Variants in SEMA6D observed in about 807,000 individuals in gnomAD.
The protein encoded by SEMA6D is semaphorin 6D.
A neutral mutation model predicts 106.6 loss-of-function variants in SEMA6D; 35 were observed. That is an observed-to-expected ratio of 0.33 (90% CI 0.25 to 0.44). The LOEUF (loss-of-function observed/expected upper bound fraction) is 0.44, where lower values mean the gene tolerates loss of function less well. Among genes scored for constraint, SEMA6D ranks in the 20% least tolerant of loss-of-function variants. SEMA6D has a pLI of 1.00. For synonymous variants in SEMA6D, 499 were observed against 487.7 expected, an observed-to-expected ratio of 1.02 and a Z score of -0.31; for missense variants, 1,185 against 1,345.9, an observed-to-expected ratio of 0.88 and a Z score of 1.87.
chr15:47,570,142 C>T (rs1248498647), intron 3 of SEMA6D, among the ~76,000 whole-genome samples: 1 of 152,076 alleles, frequency 6.6e-6, no homozygotes, highest in South Asian at 2.1e-4. Context: ...ACTGTGAAGT[C>T]TTTTTATTAA....
At chr15:47,338,308 T>C (rs2037656722) in intron 1 of SEMA6D, among the ~76,000 whole-genome samples, 3 of 152,224 alleles carry the variant, frequency 2.0e-5, no homozygotes, top group Admixed American at 2.0e-4. Flanking sequence ...TACTTGTCTC[T>C]TAACTCAAGT....
chr15:47,291,616 C>G (rs979001490), intron 1 of SEMA6D, among the ~76,000 whole-genome samples: 2 of 152,172 alleles, frequency 1.3e-5, no homozygotes, highest in Non-Finnish European at 2.9e-5. Context: ...AAACTGGTAC[C>G]AACTTCACTC....
intron 1 of SEMA6D, among the ~76,000 whole-genome samples, chr15:47,361,141 A>G (rs1292517750): frequency 2.0e-5 from 3 of 152,056 alleles, no homozygotes; most frequent in East Asian, 3.9e-4. Flanking sequence ...CCTTTCTTGC[A>G]TCCTAGGAGC....
At chr15:47,537,472 G>A (rs2045207224) in intron 3 of SEMA6D, among the ~76,000 whole-genome samples, 1 of 152,196 alleles carries the variant, frequency 6.6e-6, no homozygotes, top group African/African-American at 2.4e-5. Flanking sequence ...ATGAGACATT[G>A]GAAAGTTAGG....
chr15:47,362,852 G>C (rs1208159426), intron 1 of SEMA6D, among the ~76,000 whole-genome samples: 1 of 152,160 alleles, frequency 6.6e-6, no homozygotes, highest in East Asian at 1.9e-4. Context: ...ATTATAGAGA[G>C]TGTGAGCTTC....
In SEMA6D at chr15:47,757,201, T is replaced by A. The variant is rs1455050240; in HGVS notation, c.-54-2544T>A. Among the ~76,000 whole-genome samples, 3 of 152,330 alleles carry A rather than the reference T, an allele frequency of 2.0e-5. No homozygotes were observed. The East Asian group carries it at 5.8e-4, about 29-fold the overall frequency. On this transcript the variant is annotated intron_variant, in intron 1 of 18. Transcript: ENST00000536845. Reference sequence around the variant, plus strand: ...GGACATGGATGTTCTGCTTACCTGATGTGAACCATTCAGTTACCTGTCATG... The same window carrying A: ...GGACATGGATGTTCTGCTTACCTGAAGTGAACCATTCAGTTACCTGTCATG...
intron 1 of SEMA6D, among the ~76,000 whole-genome samples, chr15:47,351,443 GA>G (rs1252156134): frequency 1.3e-5 from 2 of 152,078 alleles, no homozygotes; most frequent in Admixed American, 1.3e-4. Context: ...TCTTTAATAT[GA>G]AAATTCCCTC....
chr15:47,306,794 C>T (rs1031329437), intron 1 of SEMA6D, among the ~76,000 whole-genome samples: 1 of 152,220 alleles, frequency 6.6e-6, no homozygotes, highest in Non-Finnish European at 1.5e-5. Context: ...AGAGGTATCA[C>T]TAACATTTTC....
chr15:47,586,304 A>G (rs778967180), intron 3 of SEMA6D, among the ~76,000 whole-genome samples: 4 of 152,204 alleles, frequency 2.6e-5, no homozygotes, highest in Non-Finnish European at 5.9e-5. Context: ...ATAGGGGCCT[A>G]TTAGAAGATG....
At chr15:47,315,471 A>G (rs904043981) in intron 1 of SEMA6D, among the ~76,000 whole-genome samples, 5 of 152,190 alleles carry the variant, frequency 3.3e-5, no homozygotes, top group Non-Finnish European at 7.3e-5. Flanking sequence ...TTCTTTCACC[A>G]ATACCACACT....
chr15:47,589,655 C>T (rs1379217191), intron 3 of SEMA6D, among the ~76,000 whole-genome samples: 1 of 152,162 alleles, frequency 6.6e-6, no homozygotes, highest in Non-Finnish European at 1.5e-5. Flanking sequence ...TACATATTTC[C>T]TTGGTCATTT....
chr15:47,509,469 C>G (rs1342732660), intron 3 of SEMA6D, among the ~76,000 whole-genome samples: 1 of 152,178 alleles, frequency 6.6e-6, no homozygotes, highest in African/African-American at 2.4e-5. Context: ...TTCTTGGAAT[C>G]TATGATCACC....
intron 4 of SEMA6D, among the ~76,000 whole-genome samples, chr15:47,627,684 A>G (rs1305583364): frequency 6.6e-6 from 1 of 152,176 alleles, no homozygotes; most frequent in Non-Finnish European, 1.5e-5. Context: ...AATAGTGTAG[A>G]GATATCTCCT....
At chr15:47,506,593 CACACAA>C (rs894274494) in intron 3 of SEMA6D, among the ~76,000 whole-genome samples, 11 of 136,880 alleles carry the variant, frequency 8.0e-5, no homozygotes, top group African/African-American at 2.5e-4. Context: ...CATTTACACA[CACACAA>C]ACACACACAC....
chr15:47,240,947 A>G (rs1310730086), intron 1 of SEMA6D, among the ~76,000 whole-genome samples: 1 of 152,168 alleles, frequency 6.6e-6, no homozygotes, highest in African/African-American at 2.4e-5. Flanking sequence ...AAAACATTCT[A>G]AAAGGTTTTG....
chr15:47,308,629 A>G (rs1481032627), intron 1 of SEMA6D, among the ~76,000 whole-genome samples: 2 of 152,216 alleles, frequency 1.3e-5, no homozygotes, highest in Non-Finnish European at 2.9e-5. Context: ...CAATGCTCTT[A>G]CAGAACAAGG....
intron 1 of SEMA6D, among the ~76,000 whole-genome samples, chr15:47,324,540 C>G (rs370220256): frequency 1.2e-4 from 19 of 152,004 alleles, no homozygotes; most frequent in African/African-American, 4.3e-4. Context: ...GTTCTAAGAT[C>G]GGTAGGAGCA....
intron 3 of SEMA6D, chr15:47,525,073 C>CT (rs2044708418): frequency 6.6e-6 from 1 of 152,182 alleles, no homozygotes. Flanking sequence ...TCTCTGCCCA[C>CT]TTCAGGGTCT....
intron 1 of SEMA6D, among the ~76,000 whole-genome samples, chr15:47,244,161 G>A (rs2141821777): frequency 6.6e-6 from 1 of 152,132 alleles, no homozygotes; most frequent in East Asian, 1.9e-4. Context: ...ACATTGGGAA[G>A]GGCCATAAGA....
Sources: gnomAD v4.1 joint callset for allele counts (sites outside exome capture counted in the v4.1 genomes callset) on GRCh38, gnomAD v4.1.1 for gene constraint, MANE v1.5 for transcripts, NCBI Gene and HGNC (gene_info 2026-07-23, HGNC 2026-07-21) for gene names.